The following PECR variants were observed in gnomAD, a reference collection of about 807,000 sequenced individuals.
PECR encodes 2,4-dienoyl-CoA reductase-related protein.
In PECR, 30 loss-of-function variants were observed where a neutral mutation model predicts 35.3. The observed-to-expected ratio is 0.85, with a 90% CI of 0.64 to 1.15. The LOEUF (loss-of-function observed/expected upper bound fraction) is 1.15. Ranked by LOEUF, PECR falls within the 50% of genes most tolerant of loss-of-function variation. The pLI, the probability that PECR is intolerant of heterozygous loss-of-function variation, is 0.00. For missense variants in PECR, 392 were observed against 370.8 expected (o/e 1.06, Z -0.47); for synonymous variants, 148 against 138.9 (o/e 1.07, Z -0.46).
intron 4 of PECR, 141 bp from the exon 5 acceptor site, chr2:216,051,686 T>C (rs926402281): frequency 2.0e-5 from 14 of 701,152 alleles, no homozygotes; most frequent in Admixed American, 4.3e-5. Flanking sequence ...TGAGCTTCTG[T>C]CTAAACAACG....
downstream of PECR, among the ~76,000 whole-genome samples, chr2:216,037,739 A>T (rs921627469): frequency 2.6e-5 from 4 of 152,092 alleles, no homozygotes; most frequent in African/African-American, 9.7e-5. Context: ...AGAAAGCTGC[A>T]GATTCTGGGT....
Position 216,038,713 on chromosome 2 carries a change from C to T in PECR, c.*562G>A, listed in dbSNP as rs888972030. Reference sequence around the variant, plus strand: ...GCAACCTCTGCTTCCTGGGTTCAAGCGATCCTCCTGCCTCAGCCTCCCAAG... The same window carrying T: ...GCAACCTCTGCTTCCTGGGTTCAAGTGATCCTCCTGCCTCAGCCTCCCAAG... On this transcript the variant is annotated 3_prime_UTR_variant, in exon 8 of 8. Coordinates refer to ENST00000265322, the MANE Select transcript of PECR (RefSeq NM_018441.6). 1.7e-4 allele frequency: 27 copies of T among 155,640 alleles called. No individual in the cohort carries two copies. Among genetic ancestry groups the T allele is most frequent in the Admixed American group, 4.4e-4 (7 of 15,798 alleles). 9.6% of individuals were successfully genotyped at this position (155,640 alleles called of 1,614,324 possible).
intron 3 of PECR, among the ~76,000 whole-genome samples, chr2:216,062,736 G>A (rs1695380710): frequency 6.6e-6 from 1 of 152,170 alleles, no homozygotes; most frequent in African/African-American, 2.4e-5. Flanking sequence ...TGTCAATACA[G>A]TCATGTGTCA....
chr2:216,071,756 CTATT>C (rs1695592265), intron 1 of PECR, among the ~76,000 whole-genome samples: 1 of 152,172 alleles, frequency 6.6e-6, no homozygotes, highest in Non-Finnish European at 1.5e-5. Flanking sequence ...CCAAAACTCT[CTATT>C]TGTCTCTATT....
At chr2:216,054,371 C>CTTTTTTTTTT (rs34214360) in intron 4 of PECR, among the ~76,000 whole-genome samples, 1 of 102,782 alleles carries the variant, frequency 9.7e-6, no homozygotes, top group South Asian at 3.1e-4. Flanking sequence ...TTTTTTCTTT[C>CTTTTTTTTTT]TTTTTTTTTT....
intron 5 of PECR, among the ~76,000 whole-genome samples, chr2:216,049,584 C>T (rs983197979): frequency 6.6e-6 from 1 of 152,138 alleles, no homozygotes; most frequent in Non-Finnish European, 1.5e-5. Flanking sequence ...TATTTTGTGA[C>T]CTCCTCTTCC....
intron 6 of PECR, among the ~76,000 whole-genome samples, chr2:216,045,431 T>A (rs1337159432): frequency 6.6e-6 from 1 of 152,266 alleles, no homozygotes; most frequent in Non-Finnish European, 1.5e-5. Context: ...TAATCCTGGA[T>A]GCTCCGAGGG....
At chr2:216,051,604 A>C in intron 4 of PECR, 59 bp from the exon 5 acceptor site, 1 of 1,090,302 alleles carries the variant, frequency 9.2e-7, no homozygotes, top group Non-Finnish European at 1.4e-6. Context: ...TCTCTTGTTC[A>C]TCAAGCTCAC....
rs533934095 is a variant in PECR at position 216,068,519 on chromosome 2, G to A, written c.125-2001C>T. Among the ~76,000 whole-genome samples the A allele has an allele frequency of 2.6e-5, 4 of 152,232 alleles. No homozygotes were observed. The South Asian group carries it at 8.3e-4, about 32-fold the overall frequency. ...GACTTTTTCACACATATGAAAGCTG[G>A]AAGAATTCATCAAGGTGATCTGCAC... On this transcript the variant is annotated intron_variant, in intron 1 of 7. Coordinates refer to ENST00000265322, the MANE Select transcript of PECR (RefSeq NM_018441.6).
intron 7 of PECR, among the ~76,000 whole-genome samples, chr2:216,031,045 T>C (rs1694680757): frequency 1.3e-5 from 2 of 151,888 alleles, no homozygotes; most frequent in African/African-American, 2.4e-5. Flanking sequence ...AAACATCTGC[T>C]CTGTATCTCA....
At chr2:216,044,904 T>G (rs1694962648) in intron 6 of PECR, among the ~76,000 whole-genome samples, 2 of 152,130 alleles carry the variant, frequency 1.3e-5, no homozygotes, top group South Asian at 4.1e-4. Flanking sequence ...ACACCTGCAT[T>G]AGAATCACTA....
chr2:216,071,535 G>C (rs1695588114), intron 1 of PECR, among the ~76,000 whole-genome samples: 1 of 152,146 alleles, frequency 6.6e-6, no homozygotes, highest in Non-Finnish European at 1.5e-5. Context: ...CTCTCTCCTA[G>C]TTGTACTTTC....
At position 216,039,247 on chromosome 2, in the gene PECR, G is replaced by A. The variant is rs150742447; in HGVS notation, c.*28C>T. ...TATCCTCAAGATGTGAAGGCACTGG[G>A]GGATGGAGGACACCTTGTTTCCTCA... On this transcript the variant is annotated 3_prime_UTR_variant, in exon 8 of 8. Transcript: ENST00000265322. The A allele has an allele frequency of 1.5e-4, 177 of 1,194,496 alleles. No individual in the cohort carries two copies. The African/African-American group carries it at 2.1e-3, about 14-fold the overall frequency. 74.0% of individuals were successfully genotyped at this position (1,194,496 alleles called of 1,614,324 possible).
chr2:216,060,403 C>T (rs1475975165), intron 3 of PECR, among the ~76,000 whole-genome samples: 2 of 152,064 alleles, frequency 1.3e-5, no homozygotes, highest in African/African-American at 2.4e-5. Context: ...GGCTCACACC[C>T]GTAATCCCAG....
At chr2:216,061,129 CA>C (rs151215904) in intron 3 of PECR, among the ~76,000 whole-genome samples, 1,050 of 52,382 alleles carry the variant, frequency 0.02, 28 homozygotes, top group Admixed American at 0.048. Flanking sequence ...CCGGCTCTAC[CA>C]AAAAAAAAAA....
At chr2:216,054,790 T>G (rs1180174608) in intron 4 of PECR, among the ~76,000 whole-genome samples, 1 of 152,160 alleles carries the variant, frequency 6.6e-6, no homozygotes, top group Non-Finnish European at 1.5e-5. Flanking sequence ...TGGTCATTAG[T>G]TAAAAAATGA....
intron 5 of PECR, among the ~76,000 whole-genome samples, chr2:216,050,465 A>G (rs1321613975): frequency 1.3e-5 from 2 of 152,224 alleles, no homozygotes; most frequent in African/African-American, 2.4e-5. Flanking sequence ...ATTTAACCAA[A>G]AAAGTCTCTG....
chr2:216,081,097 ATTGAT>A (rs1353142557), intron 1 of PECR, among the ~76,000 whole-genome samples: 10 of 152,160 alleles, frequency 6.6e-5, no homozygotes, highest in Admixed American at 1.3e-4. Context: ...ATACAGGTAG[ATTGAT>A]TTATGTTCTC....
At chr2:216,055,152 T>C (rs1234356676) in intron 4 of PECR, among the ~76,000 whole-genome samples, 1 of 149,352 alleles carries the variant, frequency 6.7e-6, no homozygotes, top group Non-Finnish European at 1.5e-5. Context: ...AAAAACAACT[T>C]GTAGGCCAGG....
Sources: allele counts gnomAD v4.1 joint callset (sites outside exome capture counted in the v4.1 genomes callset), GRCh38; gene constraint gnomAD v4.1.1; transcripts MANE v1.5; gene names NCBI Gene and HGNC (gene_info 2026-07-23, HGNC 2026-07-21).